The following XKR4 variants were observed in gnomAD, a reference collection of about 807,000 sequenced individuals.
XKR4 encodes the protein XK related 4.
Under a neutral mutation model 53.9 loss-of-function variants are expected in XKR4, and 12 were observed. The observed-to-expected ratio is 0.22, with a 90% CI of 0.14 to 0.36. The LOEUF (loss-of-function observed/expected upper bound fraction) is 0.36, where lower values mean the gene tolerates loss of function less well. Ranked by LOEUF, XKR4 falls within the 10% of genes least tolerant of loss-of-function variation. The probability of loss-of-function intolerance (pLI) is 1.00; values close to 1 mark genes in which losing one functional copy is unlikely to be tolerated. For synonymous variants in XKR4, 354 were observed against 362.4 expected (o/e 0.98, Z 0.26); for missense variants, 799 against 859.5 (o/e 0.93, Z 0.88).
At chr8:55,147,625 A>G (rs1008246270) in intron 1 of XKR4, among the ~76,000 whole-genome samples, 8 of 152,076 alleles carry the variant, frequency 5.3e-5, no homozygotes, top group Non-Finnish European at 7.4e-5. Context: ...AGGCCTCTAA[A>G]TCTGTCTCTT....
chr8:55,263,069 C>T (rs2079300616), intron 1 of XKR4, among the ~76,000 whole-genome samples: 1 of 152,190 alleles, frequency 6.6e-6, no homozygotes, highest in Non-Finnish European at 1.5e-5. Flanking sequence ...CTCTTTCTGC[C>T]TCAGTTCAGT....
At chr8:55,251,059 G>A (rs150471273) in intron 1 of XKR4, among the ~76,000 whole-genome samples, 77 of 152,322 alleles carry the variant, frequency 5.1e-4, no homozygotes, top group African/African-American at 1.6e-3. Context: ...ATAGGTGTAC[G>A]TATAGATATA....
At chr8:55,512,631 T>A (rs1325598189) in intron 2 of XKR4, among the ~76,000 whole-genome samples, 1 of 152,258 alleles carries the variant, frequency 6.6e-6, no homozygotes. Flanking sequence ...GTGTCTTTAG[T>A]GCCTGGCACT....
chr8:55,217,791 C>T (rs375815640), intron 1 of XKR4, among the ~76,000 whole-genome samples: 8 of 143,988 alleles, frequency 5.6e-5, no homozygotes, highest in South Asian at 2.3e-4. Flanking sequence ...GATAGATACA[C>T]ACAGATAAAT....
chr8:55,459,097 G>C (rs921191134), intron 2 of XKR4, among the ~76,000 whole-genome samples: 2 of 152,126 alleles, frequency 1.3e-5, no homozygotes, highest in South Asian at 4.1e-4. Context: ...CAAAGGAACA[G>C]AATATAGAGT....
chr8:55,256,490 T>C (rs764799939), intron 1 of XKR4, among the ~76,000 whole-genome samples: 59 of 152,168 alleles, frequency 3.9e-4, no homozygotes, highest in Non-Finnish European at 7.5e-4. Flanking sequence ...GATAGTAATT[T>C]GGGAAACATT....
chr8:55,393,933 C>T (rs1804481085), intron 2 of XKR4, among the ~76,000 whole-genome samples: 1 of 152,180 alleles, frequency 6.6e-6, no homozygotes, highest in African/African-American at 2.4e-5. Context: ...CTGCCCAAGA[C>T]AGTTCATCAC....
intron 2 of XKR4, among the ~76,000 whole-genome samples, chr8:55,363,952 T>G (rs554865908): frequency 6.6e-6 from 1 of 152,390 alleles, no homozygotes; most frequent in South Asian, 2.1e-4. Context: ...GTTTATAATG[T>G]GACGCTATAA....
At position 55,121,575 on chromosome 8, in the gene XKR4, A is replaced by G. The variant is rs997768853; in HGVS notation, c.806+18281A>G. On this transcript the variant is annotated intron_variant, in intron 1 of 2. Coordinates refer to ENST00000327381, the MANE Select transcript of XKR4 (RefSeq NM_052898.2). ...ATAAAAATTTAAATTACTGTAAAAG[A>G]TTGTATTTATTCTAGTGATTAGGTA... Among the ~76,000 whole-genome samples, 3 of 152,102 alleles carry G rather than the reference A, an allele frequency of 2.0e-5. No homozygotes were observed. In the East Asian group the frequency reaches 5.8e-4, roughly 29 times the overall value.
intron 1 of XKR4, among the ~76,000 whole-genome samples, chr8:55,310,273 G>T (rs556946252): frequency 6.6e-6 from 1 of 152,242 alleles, no homozygotes; most frequent in Non-Finnish European, 1.5e-5. Flanking sequence ...CATGGTCTTT[G>T]GTAGAATGGG....
At chr8:55,188,482 A>G (rs1221389824) in intron 1 of XKR4, among the ~76,000 whole-genome samples, 1 of 152,220 alleles carries the variant, frequency 6.6e-6, no homozygotes, top group South Asian at 2.1e-4. Context: ...TAAGACCTCA[A>G]GTTGAGACTA....
Position 55,292,060 on chromosome 8 carries a change from A to G in XKR4, c.807-65618A>G, listed in dbSNP as rs565707467. Among the ~76,000 whole-genome samples, 12 of 152,164 alleles carry G rather than the reference A, an allele frequency of 7.9e-5. No individual in the cohort carries two copies. In the East Asian group the frequency reaches 1.9e-3, roughly 24 times the overall value. On this transcript the variant is annotated intron_variant, in intron 1 of 2. Transcript: ENST00000327381. The stretch of plus-strand genomic sequence containing the variant: ...GTTATGGTATATAATTTTTATATGT[A>G]TTGCTTAATTCTATTTGTGAATATT...
At chr8:55,170,773 T>C (rs1051333976) in intron 1 of XKR4, among the ~76,000 whole-genome samples, 1 of 152,152 alleles carries the variant, frequency 6.6e-6, no homozygotes, top group Admixed American at 6.5e-5. Context: ...CAAAGATGGA[T>C]CACTTAGGCC....
At chr8:55,140,406 T>C (rs1816686875) in intron 1 of XKR4, among the ~76,000 whole-genome samples, 1 of 152,232 alleles carries the variant, frequency 6.6e-6, no homozygotes, top group Non-Finnish European at 1.5e-5. Flanking sequence ...CTTCTTCATT[T>C]TGCTCATGAC....
At chr8:55,160,301 T>A (rs1816966250) in intron 1 of XKR4, among the ~76,000 whole-genome samples, 1 of 152,210 alleles carries the variant, frequency 6.6e-6, no homozygotes, top group Non-Finnish European at 1.5e-5. Flanking sequence ...AAGGAGTGTT[T>A]AAATTAGTTG....
intron 1 of XKR4, among the ~76,000 whole-genome samples, chr8:55,130,468 G>T (rs900470218): frequency 2.0e-5 from 3 of 152,216 alleles, no homozygotes; most frequent in Non-Finnish European, 4.4e-5. Flanking sequence ...ATCAGAGGAG[G>T]AAGGAGGGAC....
chr8:55,446,279 C>T (rs1486506770), intron 2 of XKR4, among the ~76,000 whole-genome samples: 1 of 152,206 alleles, frequency 6.6e-6, no homozygotes, highest in Non-Finnish European at 1.5e-5. Context: ...GGCTCAACCT[C>T]AGCAGGCACA....
At chr8:55,521,277 G>T (rs1002552338) in intron 2 of XKR4, among the ~76,000 whole-genome samples, 3 of 152,254 alleles carry the variant, frequency 2.0e-5, no homozygotes, top group Non-Finnish European at 2.9e-5. Flanking sequence ...ATTAAAAAAG[G>T]CACAATCTTT....
At chr8:55,301,212 T>C (rs1046859558) in intron 1 of XKR4, among the ~76,000 whole-genome samples, 10 of 143,568 alleles carry the variant, frequency 7.0e-5, no homozygotes, top group Admixed American at 2.9e-4. Flanking sequence ...GTTCTCATTG[T>C]TCAATTCCCA....
Sources: gnomAD v4.1 joint callset for allele counts (sites outside exome capture counted in the v4.1 genomes callset) on GRCh38, gnomAD v4.1.1 for gene constraint, MANE v1.5 for transcripts, NCBI Gene and HGNC (gene_info 2026-07-23, HGNC 2026-07-21) for gene names.